The following LAMB1 variants were observed in gnomAD, a reference collection of about 807,000 sequenced individuals.
LAMB1 encodes the protein laminin subunit beta-1.
Under a neutral mutation model 222.3 loss-of-function variants are expected in LAMB1, and 121 were observed. That is an observed-to-expected ratio of 0.54 (90% CI 0.47 to 0.63). The LOEUF is 0.63. LAMB1 is among the 30% of genes least tolerant of loss of function. The probability of loss-of-function intolerance (pLI) is 0.00; values close to 1 mark genes in which losing one functional copy is unlikely to be tolerated. For synonymous variants in LAMB1, 794 were observed against 807.2 expected (o/e 0.98, Z 0.28); for missense variants, 2,172 against 2,240.8 (o/e 0.97, Z 0.62).
chr7:107,964,529 C>T lies in LAMB1; in HGVS notation c.1698+23G>A. On this transcript the variant is annotated intron_variant, in intron 14 of 33. Transcript: ENST00000222399. ...CACCCCAAAACACTGCTTTACCGACCTGCCACACACTCCCCTACTCACAGG... is the reference window on the plus strand; with the variant it reads ...CACCCCAAAACACTGCTTTACCGACTTGCCACACACTCCCCTACTCACAGG... The T allele has an allele frequency of 2.5e-6, 4 of 1,613,884 alleles. No individual in the cohort carries two copies. The South Asian group carries it at 3.3e-5, about 13-fold the overall frequency.
chr7:107,961,596 G>A lies in LAMB1; in HGVS notation c.1938C>T (p.Thr646=). ...CCACCTGGTTGTCATCATCGGGGATGGTATTACCACATCGGCTGCTGGTTG... is the reference window on the plus strand; with the variant it reads ...CCACCTGGTTGTCATCATCGGGGATAGTATTACCACATCGGCTGCTGGTTG... ...RIPTSSRCGN[T]IPDDDNQVVS... is the part of the protein sequence containing the mutation. Residue 646 remains threonine, a synonymous_variant, in exon 16 of 34, where the codon ACC becomes ACT. Coordinates refer to ENST00000222399, the MANE Select transcript of LAMB1 (RefSeq NM_002291.3). The A allele has an allele frequency of 6.2e-7, 1 of 1,614,056 alleles. No individual in the cohort carries two copies. Among genetic ancestry groups the A allele is most frequent in the Non-Finnish European group, 8.5e-7 (1 of 1,179,946 alleles).
rs776497202 is a variant in LAMB1, at chr7:107,994,958, C to T, written c.352G>A (p.Val118Met). Residue 118 changes from valine to methionine, a missense_variant and splice_region_variant, in exon 5 of 34, where the codon GTG (valine) becomes ATG (methionine). Physicochemically the swap from Val to Met is conservative, Grantham distance 21. Transcript: ENST00000222399. ...LKIWWQSENGVENVTIQLDLE... is the reference protein window; with the variant it reads ...LKIWWQSENGMENVTIQLDLE... ...TCCAGTTGGATAGTTACATTTTCCA[C>T]ACCTACAGGAGATTTAAAAAAAATA... 2 of 1,559,740 alleles carry T rather than the reference C, an allele frequency of 1.3e-6. No homozygotes were observed. Among genetic ancestry groups the T allele is most frequent in the South Asian group, 2.2e-5 (2 of 89,630 alleles).
chr7:107,940,330 C>A lies in LAMB1; in HGVS notation c.3420G>T (p.Glu1140Asp). ...RACDCDPRGI[E>D]TPQCDQSTGQ... ...CCGTGGACTGGTCACACTGTGGCGT[C>A]TCAATGCCCCTGGGGTCACAGTCAC... The change falls in exon 25 of 34, where the codon GAG becomes GAT. Residue 1140 changes from glutamate (E) to aspartate (D), a missense_variant. Transcript: ENST00000222399. The A allele has an allele frequency of 6.2e-7, 1 of 1,614,024 alleles. No homozygotes were observed. Among genetic ancestry groups the A allele is most frequent in the Non-Finnish European group, 8.5e-7 (1 of 1,179,892 alleles).
In LAMB1 at chr7:108,002,972, C is replaced by G; in HGVS notation, c.-86-1G>C. On this transcript the variant is annotated splice_acceptor_variant, in intron 1 of 33. Transcript: ENST00000222399. LOFTEE classifies it low-confidence loss of function (5UTR_SPLICE). ...CTGCCCTTTCTTCCCGTCTTCCTTTCTGGAGAGGTGGAAAGGAGGGGAAAA... is the reference window on the plus strand; with the variant it reads ...CTGCCCTTTCTTCCCGTCTTCCTTTGTGGAGAGGTGGAAAGGAGGGGAAAA... 1.2e-6 allele frequency: 2 copies of G among 1,601,498 alleles called. No homozygotes were observed. The highest frequency in any genetic ancestry group is 2.2e-5 in the South Asian group (2 of 89,366).
rs746909086 is a variant in LAMB1 at position 107,960,586 on chromosome 7, C to A, written c.2173G>T (p.Val725Leu). ...GTTTCCCAGGCACTGTTGGTGACCA[C>A]CCCATCTCCTGAACCTCCCACGGTG... ...IFTVGGSGDG[V>L]VTNSAWETFQ... Residue 725 changes from valine (V) to leucine (L), a missense_variant, in exon 18 of 34, where the codon GTG becomes TTG. Val to Leu is a conservative substitution (Grantham distance 32). Coordinates refer to ENST00000222399, the MANE Select transcript of LAMB1 (RefSeq NM_002291.3). 1 of 1,614,164 alleles carries A rather than the reference C, an allele frequency of 6.2e-7. No individual in the cohort carries two copies. The highest frequency in any genetic ancestry group is 8.5e-7 in the Non-Finnish European group (1 of 1,179,978).
At chr7:107,925,147 G>A (rs749127455) in intron 32 of LAMB1, among the ~76,000 whole-genome samples, 20 of 152,192 alleles carry the variant, frequency 1.3e-4, no homozygotes, top group Non-Finnish European at 2.8e-4. Flanking sequence ...AACCTAGAGA[G>A]AGGTAGGGAA....
intron 11 of LAMB1, 50 bp from the exon 12 acceptor site, chr7:107,975,148 A>C (rs2033825953): frequency 6.5e-7 from 1 of 1,549,776 alleles, no homozygotes; most frequent in Non-Finnish European, 8.9e-7. Flanking sequence ...GTGAGTTTCA[A>C]ATAATAATCT....
chr7:107,924,165 A>G, intron 33 of LAMB1, 65 bp downstream of exon 33: 1 of 1,540,098 alleles, frequency 6.5e-7, no homozygotes. Context: ...TATATTTTTC[A>G]CTTTTAAATA....
chr7:107,931,056 AAGGTT>A (rs1161367415), intron 29 of LAMB1, among the ~76,000 whole-genome samples: 10 of 152,154 alleles, frequency 6.6e-5, no homozygotes, highest in African/African-American at 2.4e-4. Flanking sequence ...CCACTTCTTT[AAGGTT>A]AGAAATTACT....
Position 107,940,003 on chromosome 7 carries a change from G to C in LAMB1, c.3747C>G (p.Leu1249=). 4 of 1,613,486 alleles carry C rather than the reference G, an allele frequency of 2.5e-6. No homozygotes were observed. In the South Asian group the frequency reaches 4.4e-5, roughly 18 times the overall value. Residue 1249 remains leucine, a synonymous_variant, in exon 25 of 34, where the codon CTC becomes CTG. Transcript: ENST00000222399. ...AAEPLKNIGN[L]FEEAEKLIKD... ...TAACTACTTACTCTGCTTCCTCAAA[G>C]AGATTCCCAATGTTTTTCAGTGGCT...
chr7:107,991,905 C>CAA (rs71134302), intron 5 of LAMB1, among the ~76,000 whole-genome samples: 2,322 of 90,876 alleles, frequency 0.026, 112 homozygotes, highest in African/African-American at 0.032. Context: ...GACTTCGTCT[C>CAA]AAAAAAAAAA....
Position 107,952,108 on chromosome 7 carries a change from A to G in LAMB1, c.3195T>C (p.Cys1065=), listed in dbSNP as rs376884310. ...LCLPNVIGQN[C]DRCAPNTWQL... ...GCCAGGTATTGGGCGCACAGCGGTC[A>G]CAGTTCTGCCCGATCACATTAGGAA... Residue 1065 remains cysteine, a synonymous_variant, in exon 23 of 34, where the codon TGT becomes TGC. Transcript: ENST00000222399. The G allele has an allele frequency of 2.5e-6, 4 of 1,614,148 alleles. No homozygotes were observed. The highest frequency in any genetic ancestry group is 1.7e-6 in the Non-Finnish European group (2 of 1,180,010).
At chr7:107,934,535 A>G (rs898177176) in intron 27 of LAMB1, among the ~76,000 whole-genome samples, 4 of 152,058 alleles carry the variant, frequency 2.6e-5, no homozygotes, top group Non-Finnish European at 5.9e-5. Flanking sequence ...TCACAACCCA[A>G]TTTCATTTGG....
At chr7:107,974,847 A>G (rs577718421) in intron 12 of LAMB1, 139 bp downstream of exon 12, 2 of 589,484 alleles carry the variant, frequency 3.4e-6, no homozygotes, top group South Asian at 4.6e-5. Context: ...AGTAATTCCT[A>G]TTGTGTGCAT....
Position 107,952,186 on chromosome 7 carries a change from G to A in LAMB1, c.3117C>T (p.His1039=). 2 of 1,612,930 alleles carry A rather than the reference G, an allele frequency of 1.2e-6. No individual in the cohort carries two copies. Among genetic ancestry groups the A allele is most frequent in the Non-Finnish European group, 8.5e-7 (1 of 1,179,180 alleles). The change falls in exon 23 of 34, where the codon CAC becomes CAT. Residue 1039 remains histidine, a synonymous_variant. Transcript: ENST00000222399. ...VCNYLGTVQE[H]CNGSDCQCDK... ...CGCACTGGCAGTCAGAGCCGTTACAGTGCTCTTGCACGGTGCCCAGGTAAT... is the reference window on the plus strand; with the variant it reads ...CGCACTGGCAGTCAGAGCCGTTACAATGCTCTTGCACGGTGCCCAGGTAAT...
At chr7:107,928,444 T>A (rs142063860) in intron 31 of LAMB1, among the ~76,000 whole-genome samples, 18 of 152,270 alleles carry the variant, frequency 1.2e-4, no homozygotes, top group African/African-American at 3.4e-4. Flanking sequence ...TTTCTAAAAT[T>A]ATTATACTTC....
At chr7:107,978,240 G>C in intron 8 of LAMB1, 73 bp from the exon 9 acceptor site, 1 of 1,539,570 alleles carries the variant, frequency 6.5e-7, no homozygotes, top group Non-Finnish European at 8.9e-7. Flanking sequence ...ATAATCAATT[G>C]AAAGTTTAAA....
chr7:107,970,834 C>T (rs901032284), intron 13 of LAMB1, among the ~76,000 whole-genome samples: 3 of 151,870 alleles, frequency 2.0e-5, no homozygotes, highest in East Asian at 3.9e-4. Flanking sequence ...TAGGTTCAAG[C>T]GATTCTCCCT....
At chr7:107,999,670 A>G (rs565596629) in intron 3 of LAMB1, 2 of 139,708 alleles carry the variant, frequency 1.4e-5, no homozygotes, top group Non-Finnish European at 1.5e-5. Context: ...TGAGAAAAGC[A>G]TATGTCCAGT....
Sources: gnomAD v4.1 joint callset for allele counts (sites outside exome capture counted in the v4.1 genomes callset) on GRCh38, gnomAD v4.1.1 for gene constraint, MANE v1.5 for transcripts, NCBI Gene and HGNC (gene_info 2026-07-23, HGNC 2026-07-21) for gene names.